RORA: variants seen among roughly 807,000 people sequenced by gnomAD.
RORA encodes the protein RAR related orphan receptor A.
A neutral mutation model predicts 69.5 loss-of-function variants in RORA; 7 were observed. The ratio of observed to expected loss-of-function variants is 0.10; its 90% CI spans 0.06 to 0.19. The LOEUF is 0.19. RORA is among the 10% of genes least tolerant of loss of function. The pLI is 1.00. For missense variants in RORA, 457 were observed against 663.0 expected (o/e 0.69, Z 3.41); for synonymous variants, 261 against 240.8 (o/e 1.08, Z -0.78).
chr15:61,006,199 C>T (rs542794226), intron 1 of RORA, among the ~76,000 whole-genome samples: 2 of 152,048 alleles, frequency 1.3e-5, no homozygotes, highest in African/African-American at 4.8e-5. Context: ...AATCTCTTGA[C>T]TTCGTGATCT....
At chr15:61,009,214 C>T (rs1270980775) in intron 1 of RORA, among the ~76,000 whole-genome samples, 1 of 152,148 alleles carries the variant, frequency 6.6e-6, no homozygotes, top group Non-Finnish European at 1.5e-5. Flanking sequence ...CCTGATGCTG[C>T]CTTTCTTTCC....
chr15:61,156,075 GAAA>G (rs913144400), intron 1 of RORA, among the ~76,000 whole-genome samples: 2 of 149,990 alleles, frequency 1.3e-5, no homozygotes, highest in East Asian at 3.9e-4. Context: ...TTTTGCAGAA[GAAA>G]AAAAAAATCT....
At chr15:60,668,045 GA>G (rs2070405863) in intron 2 of RORA, among the ~76,000 whole-genome samples, 1 of 152,016 alleles carries the variant, frequency 6.6e-6, no homozygotes, top group African/African-American at 2.4e-5. Flanking sequence ...GAAATAATTG[GA>G]AATCATTGTT....
intron 2 of RORA, among the ~76,000 whole-genome samples, chr15:60,598,100 G>A (rs1054077008): frequency 3.9e-5 from 6 of 152,024 alleles, no homozygotes; most frequent in Non-Finnish European, 8.8e-5. Context: ...AGGGCCACTA[G>A]GAGGATTAAA....
intron 1 of RORA, among the ~76,000 whole-genome samples, chr15:60,759,679 C>G (rs1374536463): frequency 6.6e-6 from 1 of 152,170 alleles, no homozygotes; most frequent in Non-Finnish European, 1.5e-5. Flanking sequence ...CTCTGATTAA[C>G]CACTTTTGGG....
intron 1 of RORA, among the ~76,000 whole-genome samples, chr15:61,091,407 A>G (rs2078704549): frequency 6.6e-6 from 1 of 152,160 alleles, no homozygotes; most frequent in Non-Finnish European, 1.5e-5. Context: ...GGCGTCCGTA[A>G]GCGCTGCTGT....
At chr15:60,729,669 G>A (rs1312917167) in intron 1 of RORA, among the ~76,000 whole-genome samples, 2 of 152,196 alleles carry the variant, frequency 1.3e-5, no homozygotes, top group African/African-American at 2.4e-5. Context: ...ATTACCTTGG[G>A]TAGGGTAGGT....
chr15:61,103,877 T>C (rs1384510856), intron 1 of RORA, among the ~76,000 whole-genome samples: 1 of 152,044 alleles, frequency 6.6e-6, no homozygotes, highest in Non-Finnish European at 1.5e-5. Flanking sequence ...ACAAGGTTTA[T>C]GAAACCAAAG....
chr15:60,783,843 T>C (rs1411631909), intron 1 of RORA, among the ~76,000 whole-genome samples: 1 of 152,248 alleles, frequency 6.6e-6, no homozygotes, highest in Non-Finnish European at 1.5e-5. Context: ...CAACAACCTG[T>C]CTGTTAGCCA....
chr15:60,913,691 G>C lies in RORA; in HGVS notation c.167-235005C>G, dbSNP rs545097289. ...TTTGTTAGCAGCAGACACGGTTAAAGAATGGCTATGGGCAAATATTTGGAT... is the reference window on the plus strand; with the variant it reads ...TTTGTTAGCAGCAGACACGGTTAAACAATGGCTATGGGCAAATATTTGGAT... On this transcript the variant is annotated intron_variant, in intron 1 of 10. Transcript: ENST00000335670. Among the ~76,000 whole-genome samples, 357 of 152,286 alleles carry C rather than the reference G, an allele frequency of 2.3e-3. 4 individuals carry two copies. The highest frequency in any genetic ancestry group is 0.014 in the Middle Eastern group (4 of 294).
Position 60,500,974 on chromosome 15 carries a change from C to T in RORA, c.1279G>A (p.Val427Ile). 1 of 1,585,942 alleles carries T rather than the reference C, an allele frequency of 6.3e-7. No individual in the cohort carries two copies. Among genetic ancestry groups the T allele is most frequent in the Non-Finnish European group, 8.7e-7 (1 of 1,155,148 alleles). Residue 427 changes from valine (V) to isoleucine (I), a missense_variant, in exon 9 of 11, where the codon GTA becomes ATA. Around this residue, in one of 3 missense-constraint regions of RORA, gnomAD observed 304 missense variants for 447.4 expected, o/e 0.68. Transcript: ENST00000335670. ...GTTGTCTTACCTGCTGACATCAGTA[C>T]AAATGCAGAAAATAATGCAATTTCA... ...EDEIALFSAF[V>I]LMSADRSWLQ...
chr15:61,053,773 T>C (rs1185195716), intron 1 of RORA, among the ~76,000 whole-genome samples: 3 of 146,312 alleles, frequency 2.1e-5, no homozygotes, highest in Non-Finnish European at 4.5e-5. Context: ...TCAAGTAGTG[T>C]TAACGTTGGG....
chr15:60,506,499 TAAG>T (rs2065506269), intron 5 of RORA, among the ~76,000 whole-genome samples: 1 of 152,068 alleles, frequency 6.6e-6, no homozygotes, highest in African/African-American at 2.4e-5. Context: ...GTCTAGATAA[TAAG>T]GTATAAAGTT....
At chr15:61,101,424 G>A (rs909174038) in intron 1 of RORA, among the ~76,000 whole-genome samples, 2 of 151,986 alleles carry the variant, frequency 1.3e-5, no homozygotes, top group African/African-American at 4.8e-5. Context: ...TAAAAATTTC[G>A]AGGCACTGGG....
At chr15:61,092,162 T>C (rs939221597) in intron 1 of RORA, among the ~76,000 whole-genome samples, 5 of 152,236 alleles carry the variant, frequency 3.3e-5, no homozygotes, top group African/African-American at 7.2e-5. Flanking sequence ...ATGGTTACAA[T>C]AAAATGTATA....
At chr15:60,502,488 C>T (rs1357714864) in intron 8 of RORA, among the ~76,000 whole-genome samples, 1 of 152,086 alleles carries the variant, frequency 6.6e-6, no homozygotes, top group Non-Finnish European at 1.5e-5. Context: ...TTCTTAAAAT[C>T]TGGAAGGGAA....
In RORA at chr15:60,732,832, C is replaced by T. The variant is rs563665995; in HGVS notation, c.167-54146G>A. 4.0e-5 allele frequency among the ~76,000 whole-genome samples: 6 copies of T among 151,626 alleles called. No individual in the cohort carries two copies. In the East Asian group the frequency reaches 9.6e-4, roughly 24 times the overall value. ...ACATACTTACAGCTACGCACACACA[C>T]GTGCACTTACATGCTTCTATAAAGA... On this transcript the variant is annotated intron_variant, in intron 1 of 10. Coordinates refer to ENST00000335670, the MANE Select transcript of RORA (RefSeq NM_134261.3).
At chr15:61,079,926 T>C (rs2078514063) in intron 1 of RORA, among the ~76,000 whole-genome samples, 1 of 152,180 alleles carries the variant, frequency 6.6e-6, no homozygotes, top group Non-Finnish European at 1.5e-5. Context: ...AAGGGCTCAG[T>C]TTCTGTCTTT....
intron 2 of RORA, among the ~76,000 whole-genome samples, chr15:60,561,553 TAAC>T (rs1233067600): frequency 6.6e-6 from 1 of 152,156 alleles, no homozygotes; most frequent in Non-Finnish European, 1.5e-5. Context: ...GAAGATGCTT[TAAC>T]ATCTTTATGT....
Sources: gnomAD v4.1 joint callset for allele counts (sites outside exome capture counted in the v4.1 genomes callset) on GRCh38, gnomAD v4.1.1 for gene constraint, gnomAD v4.1.1 regional missense constraint, MANE v1.5 for transcripts, NCBI Gene and HGNC (gene_info 2026-07-23, HGNC 2026-07-21) for gene names.